The following ARIH1 variants were observed in gnomAD, a reference collection of about 807,000 sequenced individuals.
The protein encoded by ARIH1 is E3 ubiquitin-protein ligase ARIH1.
In ARIH1, 8 loss-of-function variants were observed where a neutral mutation model predicts 85.0. That is an observed-to-expected ratio of 0.09 (90% CI 0.06 to 0.17). ARIH1 has a LOEUF of 0.17. ARIH1 is among the 10% of genes least tolerant of loss of function. The pLI is 1.00. For missense variants in ARIH1, 311 were observed against 718.1 expected (o/e 0.43, Z 6.48); for synonymous variants, 238 against 253.6 (o/e 0.94, Z 0.59).
intron 2 of ARIH1, among the ~76,000 whole-genome samples, chr15:72,519,683 A>G (rs1304700052): frequency 6.6e-6 from 1 of 151,660 alleles, no homozygotes; most frequent in African/African-American, 2.4e-5. Flanking sequence ...GAGGTTTCTC[A>G]GTGTTGGTCA....
At chr15:72,523,967 G>A (rs867389331) in intron 2 of ARIH1, among the ~76,000 whole-genome samples, 55 of 86,562 alleles carry the variant, frequency 6.4e-4, no homozygotes, top group Middle Eastern at 0.032. Flanking sequence ...TTTTTTTTGA[G>A]ATGGAGTCTC....
At chr15:72,571,625 A>G (rs770604816) in intron 10 of ARIH1, among the ~76,000 whole-genome samples, 1 of 152,148 alleles carries the variant, frequency 6.6e-6, no homozygotes, top group Non-Finnish European at 1.5e-5. Flanking sequence ...GTAGGCTGTC[A>G]ACTGTTGGTT....
Position 72,474,996 on chromosome 15 carries a change from G to A in ARIH1, c.357G>A (p.Glu119=). The part of the protein sequence containing the change: ...ILQHMVECIR[E]VNEVIQNPAT... ...AACACATGGTGGAATGTATCCGGGA[G>A]GTCAACGAGGTCATCCAGGTGAGGG... The change falls in exon 1 of 14, where the codon GAG becomes GAA. Residue 119 remains glutamate, a synonymous_variant. Coordinates refer to ENST00000379887, the MANE Select transcript of ARIH1 (RefSeq NM_005744.5). The A allele has an allele frequency of 6.4e-7, 1 of 1,557,400 alleles. No individual in the cohort carries two copies. The highest frequency in any genetic ancestry group is 8.7e-7 in the Non-Finnish European group (1 of 1,150,230).
intron 2 of ARIH1, among the ~76,000 whole-genome samples, chr15:72,521,932 A>T (rs909046142): frequency 2.6e-5 from 4 of 152,206 alleles, no homozygotes; most frequent in Admixed American, 1.3e-4. Context: ...GACTGTACTC[A>T]TCTTTGTTTT....
chr15:72,515,256 G>GAA (rs1214249993), intron 1 of ARIH1, among the ~76,000 whole-genome samples: 2 of 152,040 alleles, frequency 1.3e-5, no homozygotes, highest in African/African-American at 4.8e-5. Context: ...AGAATTGCTT[G>GAA]AACCCGGGAG....
intron 1 of ARIH1, among the ~76,000 whole-genome samples, chr15:72,503,775 G>A (rs1256872919): frequency 6.6e-6 from 1 of 152,214 alleles, no homozygotes; most frequent in Non-Finnish European, 1.5e-5. Flanking sequence ...TCTGCTTGCA[G>A]CCCTCAACCC....
intron 7 of ARIH1, among the ~76,000 whole-genome samples, chr15:72,564,162 C>T (rs1429019358): frequency 2.6e-5 from 4 of 152,160 alleles, no homozygotes; most frequent in South Asian, 2.1e-4. Flanking sequence ...TTCATCTCTT[C>T]TTGCATTTTC....
intron 1 of ARIH1, among the ~76,000 whole-genome samples, chr15:72,482,839 C>CTTTTT (rs34753101): frequency 3.6e-4 from 48 of 132,172 alleles, no homozygotes; most frequent in African/African-American, 8.3e-4. Flanking sequence ...CTCTCTCTCT[C>CTTTTT]TTTTTTTTTT....
intron 1 of ARIH1, among the ~76,000 whole-genome samples, chr15:72,497,899 T>C (rs1479105881): frequency 1.3e-5 from 2 of 152,224 alleles, no homozygotes; most frequent in African/African-American, 2.4e-5. Flanking sequence ...GTTAATACTT[T>C]TATAAACTCC....
rs1289654096 is a variant in ARIH1 at position 72,587,438 on chromosome 15, G to A, written c.*4146G>A. On this transcript the variant is annotated 3_prime_UTR_variant, in exon 14 of 14. Transcript: ENST00000379887. ...GCAACACAGTAGTTGAGAATAAGTG[G>A]TTTAGTATGATTTGCTTAATAGTAC... is the stretch of plus-strand genomic sequence containing the variant. 5 of 321,826 alleles carry A rather than the reference G, an allele frequency of 1.6e-5. No individual in the cohort carries two copies. Among genetic ancestry groups the A allele is most frequent in the Non-Finnish European group, 1.8e-5 (3 of 164,238 alleles). 19.9% of individuals were successfully genotyped at this position (321,826 alleles called of 1,614,324 possible).
intron 5 of ARIH1, among the ~76,000 whole-genome samples, chr15:72,559,333 G>A: frequency 6.6e-6 from 1 of 152,018 alleles, no homozygotes; most frequent in East Asian, 1.9e-4. Flanking sequence ...GTAGTGGCAT[G>A]ATCTCGGCTC....
chr15:72,476,914 T>C (rs1006983242), intron 1 of ARIH1, among the ~76,000 whole-genome samples: 8 of 152,242 alleles, frequency 5.3e-5, no homozygotes, highest in Admixed American at 2.6e-4. Flanking sequence ...CGAGAACTTA[T>C]ATGATTATAG....
intron 2 of ARIH1, among the ~76,000 whole-genome samples, chr15:72,531,438 T>G (rs949273703): frequency 4.6e-5 from 7 of 152,146 alleles, no homozygotes; most frequent in African/African-American, 1.7e-4. Flanking sequence ...TGGTTAACTT[T>G]AGTATTTTTA....
chr15:72,523,637 T>A (rs1219341701), intron 2 of ARIH1, among the ~76,000 whole-genome samples: 17 of 152,066 alleles, frequency 1.1e-4, no homozygotes, highest in Admixed American at 1.1e-3. Flanking sequence ...TAAGAACCCT[T>A]ATGTAAACTA....
At chr15:72,549,812 T>C (rs951961551) in intron 3 of ARIH1, among the ~76,000 whole-genome samples, 1 of 152,222 alleles carries the variant, frequency 6.6e-6, no homozygotes, top group Non-Finnish European at 1.5e-5. Flanking sequence ...ATTTCTTTTG[T>C]AGATAATATT....
At chr15:72,496,898 C>T in intron 1 of ARIH1, 1 of 965,870 alleles carries the variant, frequency 1.0e-6, no homozygotes, top group Non-Finnish European at 1.2e-6. Context: ...ATTAAAAGAC[C>T]ATTAAACACA....
chr15:72,498,297 A>G (rs1247822953), intron 1 of ARIH1, among the ~76,000 whole-genome samples: 1 of 152,146 alleles, frequency 6.6e-6, no homozygotes, highest in African/African-American at 2.4e-5. Context: ...TTCTGCTCCA[A>G]TTCTACCTTA....
intron 1 of ARIH1, among the ~76,000 whole-genome samples, chr15:72,517,303 T>A (rs2063979352): frequency 6.6e-6 from 1 of 152,220 alleles, no homozygotes; most frequent in Non-Finnish European, 1.5e-5. Flanking sequence ...TGGGTCTAAC[T>A]ATGTTGTCCA....
intron 2 of ARIH1, among the ~76,000 whole-genome samples, chr15:72,520,870 G>A (rs897550572): frequency 4.6e-5 from 7 of 151,574 alleles, no homozygotes; most frequent in African/African-American, 1.7e-4. Context: ...TTGAAACAGG[G>A]TCTCACTCTG....
Sources: gnomAD v4.1 joint callset for allele counts (sites outside exome capture counted in the v4.1 genomes callset) on GRCh38, gnomAD v4.1.1 for gene constraint, MANE v1.5 for transcripts, NCBI Gene and HGNC (gene_info 2026-07-23, HGNC 2026-07-21) for gene names.